Variants in GRM8 observed in about 807,000 individuals in gnomAD.
The protein encoded by GRM8 is glutamate metabotropic receptor 8.
Under a neutral mutation model 87.2 loss-of-function variants are expected in GRM8, and 47 were observed. That is an observed-to-expected ratio of 0.54 (90% CI 0.43 to 0.69). The LOEUF (loss-of-function observed/expected upper bound fraction) is 0.69, where lower values mean the gene tolerates loss of function less well. Ranked by LOEUF, GRM8 falls within the 30% of genes least tolerant of loss-of-function variation. The pLI, the probability that GRM8 is intolerant of heterozygous loss-of-function variation, is 0.00. For missense variants in GRM8, 1,019 were observed against 1,139.2 expected (o/e 0.89, Z 1.52); for synonymous variants, 396 against 404.5 (o/e 0.98, Z 0.25).
chr7:127,174,477 C>T (rs1793983389), intron 2 of GRM8, among the ~76,000 whole-genome samples: 1 of 152,202 alleles, frequency 6.6e-6, no homozygotes, highest in Admixed American at 6.5e-5. Context: ...TCCTGGTAGC[C>T]TAATTGGTCC....
rs1033824746 is a variant in GRM8, at chr7:126,758,658, TTGACATA to T, written c.1357+11200_1357+11206del. ...TTTAATGAATGTTAAATGAATGTTT[TTGACATA>T]TGCACATTAAATACCATAAATACAT... is the stretch of plus-strand genomic sequence containing the variant. On this transcript the variant is annotated intron_variant, in intron 7 of 10. Transcript: ENST00000339582. Among the ~76,000 whole-genome samples the T allele has an allele frequency of 1.7e-3, 256 of 152,364 alleles. 2 individuals are homozygous for T. The highest frequency in any genetic ancestry group is 5.7e-3 in the African/African-American group (236 of 41,584).
At chr7:127,018,584 G>A (rs1478915086) in intron 3 of GRM8, among the ~76,000 whole-genome samples, 2 of 151,906 alleles carry the variant, frequency 1.3e-5, no homozygotes, top group Admixed American at 6.6e-5. Context: ...CATTTTTTAA[G>A]GTAGCAATGA....
chr7:127,066,317 C>T (rs1175625673), intron 3 of GRM8, among the ~76,000 whole-genome samples: 1 of 152,134 alleles, frequency 6.6e-6, no homozygotes, highest in African/African-American at 2.4e-5. Context: ...ATATCTGTGT[C>T]ACAGAATAAC....
rs569699891 is a variant in GRM8 at position 126,460,477 on chromosome 7, C to CA, written c.2431-14106dup. Among the ~76,000 whole-genome samples the CA allele has an allele frequency of 1.8e-3, 280 of 151,700 alleles. 2 individuals are homozygous for CA. The highest frequency in any genetic ancestry group is 6.6e-3 in the African/African-American group (272 of 41,460). ...TCACAACCTCAGAAACTGTAGGTCTCAAATAACTACCAGTGAAAGGTGGAG... is the reference window on the plus strand; with the variant it reads ...TCACAACCTCAGAAACTGTAGGTCTCAAAATAACTACCAGTGAAAGGTGGAG... On this transcript the variant is annotated intron_variant, in intron 9 of 10. Coordinates refer to ENST00000339582, the MANE Select transcript of GRM8 (RefSeq NM_000845.3).
intron 2 of GRM8, among the ~76,000 whole-genome samples, chr7:127,187,759 T>C (rs1291858202): frequency 6.6e-6 from 1 of 152,200 alleles, no homozygotes; most frequent in East Asian, 1.9e-4. Context: ...CCTTGACTCC[T>C]TTCATCTTTC....
At chr7:126,538,758 C>G (rs1325441480) in intron 8 of GRM8, among the ~76,000 whole-genome samples, 1 of 151,812 alleles carries the variant, frequency 6.6e-6, no homozygotes, top group Non-Finnish European at 1.5e-5. Flanking sequence ...ATTTTTAAAC[C>G]ATTACTCATT....
intron 3 of GRM8, among the ~76,000 whole-genome samples, chr7:127,027,148 T>C (rs371118172): frequency 6.6e-6 from 1 of 152,150 alleles, no homozygotes; most frequent in South Asian, 2.1e-4. Flanking sequence ...TGGTTGTAGA[T>C]GTGTGGTGTT....
chr7:126,482,345 G>T (rs1212551336), intron 9 of GRM8, among the ~76,000 whole-genome samples: 1 of 151,938 alleles, frequency 6.6e-6, no homozygotes, highest in Non-Finnish European at 1.5e-5. Context: ...GGATATATTT[G>T]TATGCCCATG....
At chr7:127,230,362 C>T (rs1192044536) in intron 2 of GRM8, among the ~76,000 whole-genome samples, 1 of 151,340 alleles carries the variant, frequency 6.6e-6, no homozygotes, top group Non-Finnish European at 1.5e-5. Flanking sequence ...AAGAGGTTTC[C>T]ACATACTTCC....
intron 8 of GRM8, among the ~76,000 whole-genome samples, chr7:126,595,583 G>A (rs1056739571): frequency 6.6e-6 from 1 of 151,780 alleles, no homozygotes; most frequent in African/African-American, 2.4e-5. Context: ...TGTTATACAG[G>A]TAAAGGGTAT....
intron 7 of GRM8, among the ~76,000 whole-genome samples, chr7:126,646,222 G>A (rs1215630707): frequency 6.8e-6 from 1 of 147,558 alleles, no homozygotes; most frequent in Non-Finnish European, 1.5e-5. Context: ...ACTTCAGGGT[G>A]GAAGAGAGAG....
chr7:127,057,196 G>A (rs1323755656), intron 3 of GRM8, among the ~76,000 whole-genome samples: 1 of 152,146 alleles, frequency 6.6e-6, no homozygotes, highest in Non-Finnish European at 1.5e-5. Flanking sequence ...TTATGCCACT[G>A]TCTTATATAC....
intron 2 of GRM8, among the ~76,000 whole-genome samples, chr7:127,240,238 T>C (rs113885539): frequency 0.021 from 3,232 of 151,994 alleles, 102 homozygotes; most frequent in African/African-American, 0.071. Context: ...AGAAGCCAGA[T>C]CCCCGCTGCA....
At chr7:126,783,582 G>T (rs116193339) in intron 6 of GRM8, among the ~76,000 whole-genome samples, 97 of 152,198 alleles carry the variant, frequency 6.4e-4, no homozygotes, top group African/African-American at 2.3e-3. Flanking sequence ...AATGTGGTTG[G>T]TCACAAACAG....
intron 3 of GRM8, among the ~76,000 whole-genome samples, chr7:126,921,264 T>C (rs1419466): frequency 0.75 from 113,469 of 152,032 alleles, 42,478 homozygotes; most frequent in East Asian, 0.97. Context: ...AAAAAGGAGA[T>C]GATAGAAATA....
At chr7:126,698,813 A>G (rs1050198342) in intron 7 of GRM8, among the ~76,000 whole-genome samples, 1 of 152,164 alleles carries the variant, frequency 6.6e-6, no homozygotes, top group African/African-American at 2.4e-5. Flanking sequence ...ACAAGCCAAA[A>G]AAATACTTAC....
At chr7:126,928,983 C>G (rs901688678) in intron 3 of GRM8, among the ~76,000 whole-genome samples, 3 of 152,140 alleles carry the variant, frequency 2.0e-5, no homozygotes, top group African/African-American at 7.2e-5. Flanking sequence ...AGGCTGGAAG[C>G]AGACTGTCCA....
At chr7:126,458,339 A>C (rs77164848) in intron 9 of GRM8, among the ~76,000 whole-genome samples, 2 of 151,402 alleles carry the variant, frequency 1.3e-5, no homozygotes, top group Admixed American at 6.6e-5. Context: ...GCCAAGTTGA[A>C]AATACATTTT....
intron 9 of GRM8, among the ~76,000 whole-genome samples, chr7:126,462,027 C>T (rs1330157059): frequency 1.3e-5 from 2 of 151,470 alleles, no homozygotes; most frequent in Non-Finnish European, 3.0e-5. Flanking sequence ...TGCATGTTTC[C>T]TTATGGAAGT....
Sources: gnomAD v4.1 joint callset for allele counts (sites outside exome capture counted in the v4.1 genomes callset) on GRCh38, gnomAD v4.1.1 for gene constraint, MANE v1.5 for transcripts, NCBI Gene and HGNC (gene_info 2026-07-23, HGNC 2026-07-21) for gene names.